Variants in PAK3 observed in about 807,000 individuals in gnomAD.
PAK3 encodes p21 (RAC1) activated kinase 3, also known as serine/threonine-protein kinase PAK 3.
In PAK3, 4 loss-of-function variants were observed where a neutral mutation model predicts 41.0. The ratio of observed to expected loss-of-function variants is 0.10; its 90% CI spans 0.05 to 0.22. The LOEUF is 0.22. PAK3 is among the 10% of genes least tolerant of loss of function. PAK3 has a pLI of 1.00. For synonymous variants in PAK3, 146 were observed against 139.6 expected (o/e 1.05, Z -0.32); for missense variants, 205 against 409.9 (o/e 0.50, Z 4.32).
chrX:111,064,673 C>T (rs2092687075), intron 1 of PAK3, among the ~76,000 whole-genome samples: 1 of 112,448 alleles, frequency 8.9e-6, no homozygotes, highest in South Asian at 3.7e-4. Flanking sequence ...ATATGTATCA[C>T]ATTTTCTTTA....
chrX:110,949,356 T>G, intron 1 of PAK3, among the ~76,000 whole-genome samples: 1 of 111,815 alleles, frequency 8.9e-6, no homozygotes, highest in Non-Finnish European at 1.9e-5. Flanking sequence ...GGACTAGATA[T>G]TCTACCTGAG....
chrX:111,174,059 T>C (rs2094378165), intron 11 of PAK3, among the ~76,000 whole-genome samples: 2 of 111,372 alleles, frequency 1.8e-5, no homozygotes, highest in African/African-American at 6.5e-5. Flanking sequence ...CTTGCAAAAC[T>C]GTGCTAGCCG....
At chrX:111,113,481 T>A (rs2093410854) in intron 4 of PAK3, among the ~76,000 whole-genome samples, 1 of 111,732 alleles carries the variant, frequency 8.9e-6, no homozygotes, top group South Asian at 3.8e-4. Context: ...GGTAGTATGA[T>A]TTCTTATATA....
intron 8 of PAK3, among the ~76,000 whole-genome samples, chrX:111,161,133 T>C (rs2094180943): frequency 9.0e-6 from 1 of 111,536 alleles, no homozygotes; most frequent in Admixed American, 9.5e-5. Flanking sequence ...ACCTGTTGTT[T>C]CCTGACTTTT....
intron 1 of PAK3, among the ~76,000 whole-genome samples, chrX:111,077,682 AT>A (rs1465058641): frequency 8.9e-6 from 1 of 111,983 alleles, no homozygotes; most frequent in East Asian, 2.8e-4. Context: ...AGACTTAAAT[AT>A]AATACTTGAA....
chrX:111,123,314 A>T, intron 5 of PAK3, 36 bp downstream of exon 5: 1 of 1,092,705 alleles, frequency 9.2e-7, no homozygotes. Context: ...AAAATGGGCT[A>T]GTTTATTCTT....
At chrX:110,947,498 A>G (rs1394386947) in intron 1 of PAK3, among the ~76,000 whole-genome samples, 2 of 111,699 alleles carry the variant, frequency 1.8e-5, no homozygotes, top group Non-Finnish European at 3.8e-5. Context: ...CTAGTTCCAT[A>G]GAATGTTAGT....
intron 1 of PAK3, among the ~76,000 whole-genome samples, chrX:111,044,536 G>T (rs1185256312): frequency 1.8e-5 from 2 of 111,883 alleles, no homozygotes; most frequent in Non-Finnish European, 3.8e-5. Context: ...CTGGGATGTT[G>T]CTTTAGAAAC....
At chrX:111,194,269 A>G in intron 13 of PAK3, 32 bp from the exon 14 acceptor site, 2 of 892,519 alleles carry the variant, frequency 2.2e-6, no homozygotes, top group Non-Finnish European at 3.3e-6. Context: ...TTTTAGCGTC[A>G]TAAGGCAAAG....
intron 1 of PAK3, among the ~76,000 whole-genome samples, chrX:111,022,276 C>A (rs2092197572): frequency 8.9e-6 from 1 of 111,874 alleles, no homozygotes; most frequent in East Asian, 2.8e-4. Context: ...AGCTGTGAGG[C>A]AAAAGCATCG....
chrX:111,208,431 A>G (rs1415272438), intron 16 of PAK3, among the ~76,000 whole-genome samples: 1 of 112,020 alleles, frequency 8.9e-6, no homozygotes, highest in African/African-American at 3.2e-5. Flanking sequence ...ACCCTGAGCA[A>G]CTTCTAGTGC....
intron 1 of PAK3, among the ~76,000 whole-genome samples, chrX:111,075,619 T>G (rs1179055450): frequency 8.9e-6 from 1 of 112,725 alleles, no homozygotes; most frequent in African/African-American, 3.2e-5. Flanking sequence ...ACAGAGAGCC[T>G]CTACTATGGC....
intron 1 of PAK3, among the ~76,000 whole-genome samples, chrX:110,979,376 G>A (rs1373771486): frequency 3.0e-5 from 3 of 99,544 alleles, no homozygotes; most frequent in Non-Finnish European, 4.0e-5. Context: ...TCTGCCCACT[G>A]CAAGCTCTGC....
At chrX:111,112,761 T>TA (rs1272530914) in intron 4 of PAK3, among the ~76,000 whole-genome samples, 1 of 111,874 alleles carries the variant, frequency 8.9e-6, no homozygotes, top group African/African-American at 3.2e-5. Flanking sequence ...TTTGGGTTTA[T>TA]AAAAAATCTA....
intron 4 of PAK3, among the ~76,000 whole-genome samples, chrX:111,114,442 A>G (rs1298560986): frequency 8.9e-6 from 1 of 112,455 alleles, no homozygotes; most frequent in Non-Finnish European, 1.9e-5. Flanking sequence ...CTCAAAGAGT[A>G]GTACCTCTCT....
Position 111,227,132 on chromosome X carries a change from T to C in PAK3, c.*6685T>C, listed in dbSNP as rs1280512553. 1 of 112,511 alleles carries C rather than the reference T, an allele frequency of 8.9e-6. No homozygotes were observed. Among genetic ancestry groups the C allele is most frequent in the African/African-American group, 3.2e-5 (1 of 30,939 alleles). The allele number at this position is 112,511 out of a possible 1,213,427, so 9.3% of individuals were successfully genotyped here. A position where few individuals can be genotyped will look rare whatever the true frequency, so the allele number is the denominator to read the frequency against. On this transcript the variant is annotated 3_prime_UTR_variant, in exon 18 of 18. Transcript: ENST00000372007. ...ATGGTCTTTTTGTTTGTTTGATTTT[T>C]AAGTAAGTTATTTCTTTTGTAGACC...
intron 1 of PAK3, among the ~76,000 whole-genome samples, chrX:110,991,760 G>C (rs1001875052): frequency 1.8e-5 from 2 of 111,347 alleles, no homozygotes; most frequent in Non-Finnish European, 3.8e-5. Flanking sequence ...AATTTCTTTT[G>C]TTGAGAAAAT....
intron 1 of PAK3, among the ~76,000 whole-genome samples, chrX:111,085,297 T>G (rs1247294877): frequency 9.0e-6 from 1 of 111,553 alleles, no homozygotes; most frequent in Non-Finnish European, 1.9e-5. Flanking sequence ...ATGAGATTGC[T>G]CCCCAACCCC....
intron 7 of PAK3, 77 bp downstream of exon 7, chrX:111,147,967 G>T: frequency 2.3e-6 from 2 of 885,371 alleles, no homozygotes; most frequent in Non-Finnish European, 3.3e-6. Flanking sequence ...CAAAATGTCT[G>T]TGGGACATTT....
Sources: gnomAD v4.1 joint callset for allele counts (sites outside exome capture counted in the v4.1 genomes callset) on GRCh38, gnomAD v4.1.1 for gene constraint, MANE v1.5 for transcripts, NCBI Gene and HGNC (gene_info 2026-07-23, HGNC 2026-07-21) for gene names.